Variants in TECTB observed in about 807,000 individuals in gnomAD.
The protein encoded by TECTB is beta-tectorin.
A neutral mutation model predicts 43.3 loss-of-function variants in TECTB; 45 were observed. The observed-to-expected ratio is 1.04, with a 90% CI of 0.82 to 1.33. TECTB has a LOEUF of 1.33. Among genes scored for constraint, TECTB ranks in the 40% most tolerant of loss-of-function variants. The probability of loss-of-function intolerance (pLI) is 0.00; values close to 1 mark genes in which losing one functional copy is unlikely to be tolerated. For missense variants in TECTB, 399 were observed against 404.7 expected (o/e 0.99, Z 0.12); for synonymous variants, 169 against 156.7 (o/e 1.08, Z -0.59).
chr10:112,299,720 G>GT (rs1254836995), intron 9 of TECTB, 156 bp downstream of exon 9: 24 of 721,322 alleles, frequency 3.3e-5, no homozygotes, highest in Non-Finnish European at 5.5e-5. Context: ...CCAGCCAGGG[G>GT]TGGGGAACAG....
At chr10:112,286,008 C>A in intron 3 of TECTB, 63 bp from the exon 4 acceptor site, 1 of 1,598,018 alleles carries the variant, frequency 6.3e-7, no homozygotes, top group Non-Finnish European at 8.6e-7. Flanking sequence ...GCACTTTTCC[C>A]AGAACCCTCA....
At chr10:112,300,657 C>T (rs1433652649) in intron 9 of TECTB, among the ~76,000 whole-genome samples, 1 of 152,168 alleles carries the variant, frequency 6.6e-6, no homozygotes, top group South Asian at 2.1e-4. Flanking sequence ...TTTTTGAGCA[C>T]CCACATGATG....
At chr10:112,299,464 TCTC>T (rs775008670) in intron 8 of TECTB, 25 bp from the exon 9 acceptor site, 69 of 1,613,200 alleles carry the variant, frequency 4.3e-5, no homozygotes, top group Non-Finnish European at 5.0e-5. Flanking sequence ...TCCCCGCTTC[TCTC>T]CTGTCTGCCT....
At chr10:112,289,505 T>A (rs775953692) in intron 5 of TECTB, among the ~76,000 whole-genome samples, 51 of 152,178 alleles carry the variant, frequency 3.4e-4, no homozygotes, top group Non-Finnish European at 7.3e-5. Flanking sequence ...ACAATGATAT[T>A]TGGGCCTTCC....
intron 5 of TECTB, among the ~76,000 whole-genome samples, 164 bp downstream of exon 5, chr10:112,286,555 A>G (rs1848456077): frequency 6.6e-6 from 1 of 152,204 alleles, no homozygotes; most frequent in Non-Finnish European, 1.5e-5. Context: ...CTCTTTAAAA[A>G]CTAAGTGTCA....
rs1204259833 is a variant in TECTB at position 112,302,143 on chromosome 10, AGAGACACTTC to A, written c.940+11_940+20del. ...CTCTATAGCTTCTCAGGTAAGGAAA[AGAGACACTTC>A]TGGGATTTCGTGGGGCTATGCTGTT... On this transcript the variant is annotated intron_variant, in intron 10 of 10. Transcript: ENST00000646139. 6.2e-7 allele frequency: 1 copy of A among 1,614,002 alleles called. No homozygotes were observed. The highest frequency in any genetic ancestry group is 8.5e-7 in the Non-Finnish European group (1 of 1,179,900).
chr10:112,293,940 C>A (rs1413635110), intron 6 of TECTB, 38 bp from the exon 7 acceptor site: 1 of 1,610,500 alleles, frequency 6.2e-7, no homozygotes, highest in Non-Finnish European at 8.5e-7. Context: ...GCATAAGATT[C>A]TCTGTTTCAA....
intron 5 of TECTB, among the ~76,000 whole-genome samples, chr10:112,287,794 T>C (rs1169475369): frequency 2.6e-5 from 4 of 152,218 alleles, no homozygotes; most frequent in Non-Finnish European, 5.9e-5. Flanking sequence ...GCGAAGGGAA[T>C]GAAACTCATT....
intron 9 of TECTB, among the ~76,000 whole-genome samples, chr10:112,300,239 A>T (rs1848589467): frequency 3.9e-5 from 1 of 25,508 alleles, no homozygotes; most frequent in Middle Eastern, 0.019. Context: ...ATAAAGAAAG[A>T]AAGAAAGAAA....
At chr10:112,294,797 A>C (rs1848531078) in intron 7 of TECTB, among the ~76,000 whole-genome samples, 1 of 152,226 alleles carries the variant, frequency 6.6e-6, no homozygotes, top group African/African-American at 2.4e-5. Flanking sequence ...GGTAATAAAA[A>C]GTAGGGAGAT....
At position 112,304,275 on chromosome 10, in the gene TECTB, C is replaced by A. The variant is rs1021951367; in HGVS notation, c.*963C>A. 1.3e-5 allele frequency: 2 copies of A among 152,218 alleles called. No homozygotes were observed. The highest frequency in any genetic ancestry group is 2.4e-5 in the African/African-American group (1 of 41,456). 9.4% of individuals were successfully genotyped at this position (152,218 alleles called of 1,614,324 possible). A position where few individuals can be genotyped will look rare whatever the true frequency, so the allele number is the denominator to read the frequency against. ...TCATTTATAAGAAATGGTCTGATCTCATTTAGCTTTTACTTAAACATCGAA... is the reference window on the plus strand; with the variant it reads ...TCATTTATAAGAAATGGTCTGATCTAATTTAGCTTTTACTTAAACATCGAA... On this transcript the variant is annotated 3_prime_UTR_variant, in exon 11 of 11. Transcript: ENST00000646139.
chr10:112,294,263 G>C (rs1354064659), intron 7 of TECTB, among the ~76,000 whole-genome samples: 1 of 152,178 alleles, frequency 6.6e-6, no homozygotes, highest in Admixed American at 6.5e-5. Context: ...TGTTCTGAGA[G>C]CTTTACCTTA....
intron 5 of TECTB, among the ~76,000 whole-genome samples, chr10:112,292,216 T>C (rs2133351645): frequency 6.6e-6 from 1 of 151,588 alleles, no homozygotes; most frequent in East Asian, 1.9e-4. Context: ...AACTCAAGAC[T>C]CAGAGAATGG....
intron 5 of TECTB, among the ~76,000 whole-genome samples, chr10:112,286,866 G>A (rs567680519): frequency 6.6e-6 from 1 of 152,278 alleles, no homozygotes; most frequent in South Asian, 2.1e-4. Context: ...AGGTTGCAGT[G>A]AGCCAAGATC....
At position 112,284,710 on chromosome 10, in the gene TECTB, T is replaced by C; in HGVS notation, c.252T>C (p.Cys84=). 1.3e-6 allele frequency: 2 copies of C among 1,599,638 alleles called. No individual in the cohort carries two copies. The highest frequency in any genetic ancestry group is 1.7e-6 in the Non-Finnish European group (2 of 1,172,120). Residue 84 remains cysteine (C), a synonymous_variant, in exon 3 of 11, where the codon TGT becomes TGC. Transcript: ENST00000646139. ...PDLSPKNKSY[C]GTQSEYKPPI... is the part of the protein sequence containing the mutation. Reference sequence around the variant, plus strand: ...TATCACCTAAAAACAAGTCCTATTGTGGAACCCAGTCTGAGGTAAGACCAG... The same window carrying C: ...TATCACCTAAAAACAAGTCCTATTGCGGAACCCAGTCTGAGGTAAGACCAG...
chr10:112,290,096 T>C (rs1351520407), intron 5 of TECTB, among the ~76,000 whole-genome samples: 2 of 152,128 alleles, frequency 1.3e-5, no homozygotes, highest in African/African-American at 4.8e-5. Flanking sequence ...TTCTTAAGTT[T>C]TAAATTGCAC....
At chr10:112,286,446 T>C (rs2133347726) in intron 5 of TECTB, 55 bp downstream of exon 5, 5 of 1,548,300 alleles carry the variant, frequency 3.2e-6, no homozygotes, top group South Asian at 1.2e-5. Context: ...TTCTAGGAGA[T>C]GGTGGGATGC....
chr10:112,300,271 AAAGAAAGAAAAGAAAG>A (rs1443898724), intron 9 of TECTB, among the ~76,000 whole-genome samples: 50 of 28,002 alleles, frequency 1.8e-3, no homozygotes, highest in Non-Finnish European at 2.2e-3. Context: ...AGAAAGAAAG[AAAGAAAGAAAAGAAAG>A]AAAGAAAGAA....
intron 5 of TECTB, among the ~76,000 whole-genome samples, chr10:112,291,592 T>G (rs898863373): frequency 6.6e-6 from 1 of 152,240 alleles, no homozygotes; most frequent in African/African-American, 2.4e-5. Flanking sequence ...CTGAAATCCG[T>G]TCCTCCTGCC....
Sources: allele counts gnomAD v4.1 joint callset (sites outside exome capture counted in the v4.1 genomes callset), GRCh38; gene constraint gnomAD v4.1.1; transcripts MANE v1.5; gene names NCBI Gene and HGNC (gene_info 2026-07-23, HGNC 2026-07-21).